ESRRB: variants seen among roughly 807,000 people sequenced by gnomAD.
The protein encoded by ESRRB is steroid hormone receptor ERR2.
In ESRRB, 16 loss-of-function variants were observed where a neutral mutation model predicts 46.0. The ratio of observed to expected loss-of-function variants is 0.35; its 90% CI spans 0.24 to 0.53. The LOEUF is 0.53. ESRRB is among the 20% of genes least tolerant of loss of function. ESRRB has a pLI of 0.93. For synonymous variants in ESRRB, 246 were observed against 259.6 expected (o/e 0.95, Z 0.50); for missense variants, 488 against 607.4 (o/e 0.80, Z 2.07).
chr14:76,498,667 C>T lies in ESRRB; in HGVS notation c.*209C>T. The stretch of plus-strand genomic sequence containing the variant: ...GGGATGGGGGGGCAGGGGTGTGGGG[C>T]TCGACTGTAACTGGCTTTTTCTTTG... On this transcript the variant is annotated 3_prime_UTR_variant, in exon 7 of 7. Transcript: ENST00000644823. 1 of 1,444,486 alleles carries T rather than the reference C, an allele frequency of 6.9e-7. No homozygotes were observed. The highest frequency in any genetic ancestry group is 9.4e-7 in the Non-Finnish European group (1 of 1,060,212). 89.5% of individuals were successfully genotyped at this position (1,444,486 alleles called of 1,614,324 possible). A position where few individuals can be genotyped will look rare whatever the true frequency, so the allele number is the denominator to read the frequency against.
chr14:76,495,116 A>G (rs781491134), intron 6 of ESRRB, among the ~76,000 whole-genome samples: 2 of 152,090 alleles, frequency 1.3e-5, no homozygotes, highest in Non-Finnish European at 2.9e-5. Context: ...GTGCATGCAC[A>G]TACCCACATA....
chr14:76,412,142 C>T (rs544408659), intron 1 of ESRRB, among the ~76,000 whole-genome samples: 5 of 152,272 alleles, frequency 3.3e-5, no homozygotes, highest in African/African-American at 1.2e-4. Context: ...CTCTGTGCTG[C>T]GGGGCACACA....
At chr14:76,359,260 C>T (rs1595054231) in intron 1 of ESRRB, among the ~76,000 whole-genome samples, 1 of 152,218 alleles carries the variant, frequency 6.6e-6, no homozygotes, top group South Asian at 2.1e-4. Context: ...AAAACTCTAG[C>T]TGAAGCTGGT....
chr14:76,474,726 G>A (rs968708960), intron 3 of ESRRB, among the ~76,000 whole-genome samples: 5 of 152,006 alleles, frequency 3.3e-5, no homozygotes, highest in African/African-American at 1.2e-4. Context: ...CCATAATCCC[G>A]GCTATTCAGG....
intron 1 of ESRRB, among the ~76,000 whole-genome samples, chr14:76,315,498 G>C (rs9652375): frequency 0.56 from 85,181 of 152,008 alleles, 24,132 homozygotes; most frequent in East Asian, 0.71. Context: ...CTTGAGTTAC[G>C]AAACCCCTCA....
At chr14:76,390,842 T>C (rs55792413) in intron 1 of ESRRB, among the ~76,000 whole-genome samples, 24,124 of 152,086 alleles carry the variant, frequency 0.16, 2,385 homozygotes, top group Non-Finnish European at 0.22. Context: ...CCCAGGCCCT[T>C]TGAGGAAATG....
intron 2 of ESRRB, among the ~76,000 whole-genome samples, chr14:76,449,287 C>T (rs1480620108): frequency 6.6e-6 from 1 of 152,162 alleles, no homozygotes; most frequent in Non-Finnish European, 1.5e-5. Flanking sequence ...CATGGTGGCT[C>T]ATGCCTGTAA....
intron 6 of ESRRB, among the ~76,000 whole-genome samples, chr14:76,493,402 G>A (rs1409658950): frequency 3.3e-5 from 5 of 152,066 alleles, no homozygotes; most frequent in African/African-American, 4.8e-5. Context: ...TGATCCACCC[G>A]CCTTGGCATC....
chr14:76,337,829 C>T (rs978998813), intron 1 of ESRRB, among the ~76,000 whole-genome samples: 1 of 152,208 alleles, frequency 6.6e-6, no homozygotes, highest in Non-Finnish European at 1.5e-5. Context: ...ACTGCCACGG[C>T]CTCAGGTAGG....
intron 1 of ESRRB, among the ~76,000 whole-genome samples, chr14:76,408,663 G>C (rs1886305713): frequency 6.6e-6 from 1 of 150,480 alleles, no homozygotes; most frequent in South Asian, 2.1e-4. Context: ...AATGCATAGA[G>C]CTGGCATGCA....
intron 3 of ESRRB, chr14:76,463,186 C>G (rs1223182057): frequency 4.7e-6 from 1 of 213,978 alleles, no homozygotes; most frequent in East Asian, 1.2e-4. Flanking sequence ...CCTCTCCTTT[C>G]TCTCCCTGCG....
rs957070767 is a variant in ESRRB, at chr14:76,312,563, A to G, written c.2+1647A>G. 3.3e-5 allele frequency among the ~76,000 whole-genome samples: 5 copies of G among 151,368 alleles called. No homozygotes were observed. In the South Asian group the frequency reaches 6.3e-4, roughly 19 times the overall value. ...GGCGTACAAGGGGGTAAATGTCACT[A>G]TTTAAGATCTAGTATAGACGGTGAA... On this transcript the variant is annotated intron_variant, in intron 1 of 6. Transcript: ENST00000512784.
At chr14:76,364,501 C>A (rs1328161006) in intron 1 of ESRRB, among the ~76,000 whole-genome samples, 1 of 152,008 alleles carries the variant, frequency 6.6e-6, no homozygotes, top group Non-Finnish European at 1.5e-5. Flanking sequence ...CCAGCTTGGC[C>A]AACATGGTGA....
intron 3 of ESRRB, among the ~76,000 whole-genome samples, chr14:76,467,120 T>C (rs927958241): frequency 6.6e-6 from 1 of 152,182 alleles, no homozygotes; most frequent in Non-Finnish European, 1.5e-5. Flanking sequence ...AGTGGGGACC[T>C]GGGACAGATG....
chr14:76,423,490 A>T (rs1887062802), intron 1 of ESRRB, among the ~76,000 whole-genome samples: 1 of 152,132 alleles, frequency 6.6e-6, no homozygotes, highest in African/African-American at 2.4e-5. Context: ...ATCGAAACTG[A>T]TGGCAAGGTG....
intron 1 of ESRRB, among the ~76,000 whole-genome samples, chr14:76,397,326 C>T (rs1385485097): frequency 3.9e-5 from 6 of 152,154 alleles, no homozygotes; most frequent in South Asian, 2.1e-4. Context: ...CCCCAGTCAA[C>T]GGCACCCAGC....
intron 6 of ESRRB, among the ~76,000 whole-genome samples, chr14:76,495,955 G>C (rs988700545): frequency 4.6e-5 from 7 of 152,152 alleles, no homozygotes; most frequent in Middle Eastern, 3.2e-3. Flanking sequence ...GAGCAGGCTG[G>C]GTTTAAAGCG....
At chr14:76,474,552 A>G (rs974517478) in intron 3 of ESRRB, among the ~76,000 whole-genome samples, 2 of 152,178 alleles carry the variant, frequency 1.3e-5, no homozygotes, top group Admixed American at 6.5e-5. Context: ...AATATTATGC[A>G]ATCACCGGCC....
chr14:76,344,584 C>A (rs1884227422), intron 1 of ESRRB, among the ~76,000 whole-genome samples: 1 of 152,186 alleles, frequency 6.6e-6, no homozygotes, highest in Admixed American at 6.5e-5. Context: ...GGCGTGGTGG[C>A]TCATGCCTGC....
Sources: allele counts gnomAD v4.1 joint callset (sites outside exome capture counted in the v4.1 genomes callset), GRCh38; gene constraint gnomAD v4.1.1; transcripts MANE v1.5; gene names NCBI Gene and HGNC (gene_info 2026-07-23, HGNC 2026-07-21).